The following MARF1 variants were observed in gnomAD, a reference collection of about 807,000 sequenced individuals.
The protein encoded by MARF1 is limkain-b1.
In MARF1, 24 loss-of-function variants were observed where a neutral mutation model predicts 168.2. That is an observed-to-expected ratio of 0.14 (90% CI 0.10 to 0.20). The LOEUF (loss-of-function observed/expected upper bound fraction) is 0.20. Among genes scored for constraint, MARF1 ranks in the 10% least tolerant of loss-of-function variants. The pLI is 1.00. For missense variants in MARF1, 1,744 were observed against 2,143.6 expected (o/e 0.81, Z 3.68); for synonymous variants, 868 against 822.4 (o/e 1.06, Z -0.95).
chr16:15,626,961 G>GAGA (rs1555528251), intron 7 of MARF1, among the ~76,000 whole-genome samples: 37 of 116,386 alleles, frequency 3.2e-4, no homozygotes, highest in Non-Finnish European at 6.9e-5. Context: ...GAGATTCTGT[G>GAGA]AAAAAAAAAA....
rs1321915784 is a variant in MARF1, at chr16:15,624,843, G to A, written c.2196C>T (p.Tyr732=). The A allele has an allele frequency of 1.2e-6, 2 of 1,614,186 alleles. No individual in the cohort carries two copies. Among genetic ancestry groups the A allele is most frequent in the Admixed American group, 1.7e-5 (1 of 60,018 alleles). ...CAACTAACTTGCTAAAAGCAGACGG[G>A]TAACTCACTTGGAATACAGTCTCCT... ...DKEETVFQVS[Y]PSAFSKLVAS... is the part of the protein sequence containing the mutation. The change falls in exon 10 of 27, where the codon TAC becomes TAT. Residue 732 remains tyrosine, a synonymous_variant. Transcript: ENST00000396368.
chr16:15,596,867 A>G lies in MARF1; in HGVS notation c.5055T>C (p.Ser1685=), dbSNP rs755986549. The change falls in exon 27 of 27, where the codon TCT becomes TCC. Residue 1685 remains serine, a synonymous_variant. Transcript: ENST00000396368. ...PIPGKSKTLT[S]DSSSSCISAA... ...CTGAGATGCAGGACGAGCTGGAGTC[A>G]GAGGTCAGAGTTTTGCTCTTTCCTG... is the stretch of plus-strand genomic sequence containing the variant. The G allele has an allele frequency of 1.9e-6, 3 of 1,614,050 alleles. No individual in the cohort carries two copies. In the South Asian group the frequency reaches 3.3e-5, roughly 18 times the overall value.
At chr16:15,624,747 T>A (rs533238391) in intron 10 of MARF1, 22 bp downstream of exon 10, 6 of 1,607,622 alleles carry the variant, frequency 3.7e-6, no homozygotes, top group Non-Finnish European at 5.1e-6. Flanking sequence ...ACCACCCCCA[T>A]GGGTCAAGAA....
At chr16:15,599,240 C>T (rs2032150897) in intron 25 of MARF1, 1 of 582,596 alleles carries the variant, frequency 1.7e-6, no homozygotes, top group Non-Finnish European at 3.0e-6. Context: ...GCTAGTTCTT[C>T]TGAAGATCCG....
intron 3 of MARF1, 173 bp downstream of exon 3, chr16:15,635,483 A>G (rs955723470): frequency 2.0e-4 from 121 of 609,492 alleles, no homozygotes; most frequent in Non-Finnish European, 8.8e-5. Context: ...ATGATCTCCC[A>G]TCTTACCCTT....
chr16:15,611,188 G>A, intron 18 of MARF1, 80 bp from the exon 19 acceptor site: 2 of 1,409,234 alleles, frequency 1.4e-6, no homozygotes, highest in Non-Finnish European at 2.0e-6. Flanking sequence ...GCCGGGCGCT[G>A]GGGCTCACGC....
At position 15,633,756 on chromosome 16, in the gene MARF1, G is replaced by A; in HGVS notation, c.1094C>T (p.Pro365Leu). 4.3e-6 allele frequency: 7 copies of A among 1,614,052 alleles called. No individual in the cohort carries two copies. Among genetic ancestry groups the A allele is most frequent in the Non-Finnish European group, 5.9e-6 (7 of 1,180,006 alleles). Residue 365 changes from proline to leucine, a missense_variant, in exon 5 of 27, where the codon CCC (proline) becomes CTC (leucine). Coordinates refer to ENST00000396368, the MANE Select transcript of MARF1 (RefSeq NM_014647.4). ...AACAGCAGTTGCTGACCGGCCAGAG[G>A]GAACGGAGCAGTTTTCAATATCCCA... ...VFWDIENCSV[P>L]SGRSATAVVQ...
chr16:15,630,338 T>C lies in MARF1; in HGVS notation c.1518A>G (p.Lys506=). ...ATAACGCAAACCCACTTACTGGCATTTTTAGTGGTAACCTGGGGGGCAAGT... is the reference window on the plus strand; with the variant it reads ...ATAACGCAAACCCACTTACTGGCATCTTTAGTGGTAACCTGGGGGGCAAGT... ...ISDLPPRLPL[K]MPQCHTLLYV... The change falls in exon 7 of 27, where the codon AAA becomes AAG. Residue 506 remains lysine, a synonymous_variant. Coordinates refer to ENST00000396368, the MANE Select transcript of MARF1 (RefSeq NM_014647.4). The C allele has an allele frequency of 6.3e-7, 1 of 1,598,414 alleles. No homozygotes were observed. Among genetic ancestry groups the C allele is most frequent in the Non-Finnish European group, 8.5e-7 (1 of 1,169,896 alleles).
chr16:15,626,461 C>T (rs948911888), intron 7 of MARF1, among the ~76,000 whole-genome samples: 1 of 152,232 alleles, frequency 6.6e-6, no homozygotes, highest in East Asian at 1.9e-4. Flanking sequence ...AGAAGGTGAG[C>T]AGGGTCAGTC....
chr16:15,595,604 CGA>C lies in MARF1; in HGVS notation c.*1087_*1088del, dbSNP rs575346748. 4 of 152,612 alleles carry C rather than the reference CGA, an allele frequency of 2.6e-5. No homozygotes were observed. In the East Asian group the frequency reaches 5.8e-4, roughly 22 times the overall value. 9.5% of individuals were successfully genotyped at this position (152,612 alleles called of 1,614,324 possible). A position where few individuals can be genotyped will look rare whatever the true frequency, so the allele number is the denominator to read the frequency against. On this transcript the variant is annotated 3_prime_UTR_variant, in exon 27 of 27. Coordinates refer to ENST00000396368, the MANE Select transcript of MARF1 (RefSeq NM_014647.4). ...AGATGCTTCCAACAGCGAGAAGTAA[CGA>C]GAGTAAAATCAGACACGATTAAAAG...
At chr16:15,642,498 G>A (rs1352880980) in intron 1 of MARF1, 1 of 152,252 alleles carries the variant, frequency 6.6e-6, no homozygotes, top group Non-Finnish European at 1.5e-5. Context: ...CAATTGGACA[G>A]CTCTTGGTAA....
chr16:15,597,854 G>A (rs1183265062), intron 26 of MARF1, among the ~76,000 whole-genome samples: 1 of 152,236 alleles, frequency 6.6e-6, no homozygotes, highest in Non-Finnish European at 1.5e-5. Context: ...CTGCACAGGA[G>A]CAGGGCATGG....
intron 15 of MARF1, 139 bp downstream of exon 15, chr16:15,616,913 A>G: frequency 8.1e-7 from 1 of 1,237,560 alleles, no homozygotes; most frequent in Non-Finnish European, 1.1e-6. Context: ...GCATGACTGT[A>G]CTTTGACTGA....
chr16:15,630,305 T>C, intron 7 of MARF1, 27 bp downstream of exon 7: 6 of 1,580,988 alleles, frequency 3.8e-6, no homozygotes, highest in Non-Finnish European at 4.3e-6. Flanking sequence ...TATTGGAAAA[T>C]GGCAAAAATA....
intron 21 of MARF1, among the ~76,000 whole-genome samples, chr16:15,607,722 G>A (rs1390802084): frequency 1.3e-5 from 2 of 152,164 alleles, no homozygotes; most frequent in Admixed American, 1.3e-4. Context: ...TGGTCCTGTG[G>A]GGGAGGAGGC....
intron 17 of MARF1, 75 bp from the exon 18 acceptor site, chr16:15,611,809 T>C: frequency 7.8e-7 from 1 of 1,276,710 alleles, no homozygotes; most frequent in East Asian, 2.3e-5. Context: ...GCTCACCCTC[T>C]CGTTACTAGC....
At chr16:15,623,165 T>G in intron 10 of MARF1, 42 bp from the exon 11 acceptor site, 1 of 1,449,558 alleles carries the variant, frequency 6.9e-7, no homozygotes, top group South Asian at 1.4e-5. Flanking sequence ...AAAAAACTGT[T>G]CTGTATATTT....
At position 15,635,779 on chromosome 16, in the gene MARF1, A is replaced by G; in HGVS notation, c.708T>C (p.His236=). 1.2e-6 allele frequency: 2 copies of G among 1,614,208 alleles called. No individual in the cohort carries two copies. ...CCGACTGTGAAATGTGCTCTTCCAA[A>G]TGCCCTGGAGCCCCGCTTGTGAAAT... ...CSDFTSGAPG[H]LEEHISQSEL... is the part of the protein sequence containing the mutation. Residue 236 remains histidine (H), a synonymous_variant, in exon 3 of 27, where the codon CAT becomes CAC. Coordinates refer to ENST00000396368, the MANE Select transcript of MARF1 (RefSeq NM_014647.4).
chr16:15,613,320 A>G (rs2033738627), intron 16 of MARF1, among the ~76,000 whole-genome samples: 1 of 152,150 alleles, frequency 6.6e-6, no homozygotes, highest in Non-Finnish European at 1.5e-5. Context: ...ACCTATTAAA[A>G]AGGTATAAGT....
Sources: gnomAD v4.1 joint callset for allele counts (sites outside exome capture counted in the v4.1 genomes callset) on GRCh38, gnomAD v4.1.1 for gene constraint, MANE v1.5 for transcripts, NCBI Gene and HGNC (gene_info 2026-07-23, HGNC 2026-07-21) for gene names.